SYN1: variants seen among roughly 807,000 people sequenced by gnomAD.
The protein encoded by SYN1 is synapsin-1.
Under a neutral mutation model 44.6 loss-of-function variants are expected in SYN1, and 8 were observed. That is an observed-to-expected ratio of 0.18 (90% CI 0.11 to 0.32). SYN1 has a LOEUF of 0.32. SYN1 is among the 10% of genes least tolerant of loss of function. The pLI is 1.00. For synonymous variants in SYN1, 275 were observed against 280.1 expected, an observed-to-expected ratio of 0.98 and a Z score of 0.18; for missense variants, 451 against 639.4, an observed-to-expected ratio of 0.71 and a Z score of 3.18.
chrX:47,604,106 T>C (rs1348081463), intron 5 of SYN1, among the ~76,000 whole-genome samples: 1 of 108,981 alleles, frequency 9.2e-6, no homozygotes, highest in Non-Finnish European at 1.9e-5. Context: ...ACAGGGTTTC[T>C]CCATGTTGGT....
intron 1 of SYN1, among the ~76,000 whole-genome samples, chrX:47,613,991 T>C (rs2057924185): frequency 8.9e-6 from 1 of 112,201 alleles, no homozygotes. Flanking sequence ...GAAATTGTGC[T>C]TCCTGTTCCC....
At chrX:47,611,801 G>T (rs1354858904) in intron 1 of SYN1, among the ~76,000 whole-genome samples, 1 of 111,574 alleles carries the variant, frequency 9.0e-6, no homozygotes, top group Non-Finnish European at 1.9e-5. Context: ...GGGGACCGAT[G>T]CATTAGTAAA....
chrX:47,588,467 G>A (rs1337834599), intron 5 of SYN1, among the ~76,000 whole-genome samples: 2 of 112,568 alleles, frequency 1.8e-5, no homozygotes, highest in Admixed American at 1.9e-4. Context: ...GGGGAAGGAT[G>A]GAACCCAGCG....
At chrX:47,596,018 T>A (rs753644492) in intron 5 of SYN1, among the ~76,000 whole-genome samples, 127 of 112,266 alleles carry the variant, frequency 1.1e-3, no homozygotes, top group Non-Finnish European at 2.2e-3. Flanking sequence ...CTTGTACACA[T>A]CCCCTTCTCC....
chrX:47,585,450 A>G, intron 5 of SYN1: 1 of 1,191,705 alleles, frequency 8.4e-7, no homozygotes, highest in Middle Eastern at 2.3e-4. Flanking sequence ...GACCACCCCA[A>G]TTTCAGTCTA....
intron 1 of SYN1, among the ~76,000 whole-genome samples, chrX:47,614,499 G>C (rs185915157): frequency 5.6e-4 from 63 of 111,660 alleles, no homozygotes; most frequent in African/African-American, 2.0e-3. Flanking sequence ...AGAGACTATG[G>C]CTCATCTCAC....
chrX:47,609,300 CAA>C (rs2147929781), intron 1 of SYN1, among the ~76,000 whole-genome samples: 1 of 112,119 alleles, frequency 8.9e-6, no homozygotes, highest in South Asian at 3.7e-4. Flanking sequence ...CTGCCTTGTC[CAA>C]GGTTACACCT....
chrX:47,606,392 T>C (rs1777393532), intron 3 of SYN1, among the ~76,000 whole-genome samples: 1 of 109,096 alleles, frequency 9.2e-6, no homozygotes, highest in African/African-American at 3.3e-5. Context: ...GAGAGCAGCA[T>C]CTGGCATGCA....
At chrX:47,609,005 G>C (rs867195406) in intron 1 of SYN1, among the ~76,000 whole-genome samples, 9 of 87,391 alleles carry the variant, frequency 1.0e-4, no homozygotes, top group African/African-American at 1.7e-4. Flanking sequence ...CTCTCTCTCT[G>C]ACACACACAC....
intron 5 of SYN1, among the ~76,000 whole-genome samples, chrX:47,599,695 A>C (rs1257852836): frequency 8.9e-6 from 1 of 112,507 alleles, no homozygotes; most frequent in Non-Finnish European, 1.9e-5. Context: ...AATAATAATA[A>C]AAATGAGACA....
intron 9 of SYN1, 62 bp downstream of exon 9, chrX:47,576,069 T>C (rs2057776543): frequency 2.8e-6 from 3 of 1,082,775 alleles, no homozygotes; most frequent in African/African-American, 3.6e-5. Context: ...TGCTTCAGTT[T>C]GCACTGCTGC....
intron 5 of SYN1, chrX:47,585,931 T>C (rs1477156932): frequency 1.4e-5 from 15 of 1,105,630 alleles, no homozygotes; most frequent in Non-Finnish European, 1.8e-5. Context: ...GTGACTATTC[T>C]GTAATCCCAC....
chrX:47,610,446 GC>G (rs1219223604), intron 1 of SYN1, among the ~76,000 whole-genome samples: 2 of 105,176 alleles, frequency 1.9e-5, no homozygotes, highest in Admixed American at 1.0e-4. Context: ...GACAATGCCT[GC>G]CCCCCTCAGA....
chrX:47,598,234 A>G (rs999610720), intron 5 of SYN1, among the ~76,000 whole-genome samples: 5 of 112,451 alleles, frequency 4.4e-5, no homozygotes, highest in African/African-American at 1.6e-4. Flanking sequence ...TGGGCACACA[A>G]TGTGTAAAGA....
chrX:47,588,196 G>A (rs1004145155), intron 5 of SYN1, among the ~76,000 whole-genome samples: 1 of 112,864 alleles, frequency 8.9e-6, no homozygotes, highest in African/African-American at 3.2e-5. Context: ...TTACGCCCTC[G>A]GAGGGTCTGA....
chrX:47,586,774 G>C (rs1041947654), intron 5 of SYN1: 39 of 1,096,283 alleles, frequency 3.6e-5, no homozygotes, highest in Non-Finnish European at 4.6e-5. Context: ...ATGAAATAAA[G>C]AGTTACCACC....
chrX:47,593,993 G>A (rs1373414751), intron 5 of SYN1, among the ~76,000 whole-genome samples: 5 of 111,956 alleles, frequency 4.5e-5, no homozygotes, highest in African/African-American at 1.6e-4. Context: ...CACTTTGGGA[G>A]GCCAAGGCAG....
At chrX:47,594,728 TC>T (rs2057858859) in intron 5 of SYN1, among the ~76,000 whole-genome samples, 1 of 91,117 alleles carries the variant, frequency 1.1e-5, no homozygotes, top group Non-Finnish European at 2.3e-5. Flanking sequence ...TCTTTTCTTT[TC>T]TTTTTTTTTT....
intron 5 of SYN1, among the ~76,000 whole-genome samples, chrX:47,591,653 G>A (rs1053693530): frequency 6.5e-5 from 7 of 108,327 alleles, no homozygotes; most frequent in African/African-American, 1.0e-4. Context: ...CTCAGGAGGC[G>A]GAGGCTGCAG....
Sources: allele counts gnomAD v4.1 joint callset (sites outside exome capture counted in the v4.1 genomes callset), GRCh38; gene constraint gnomAD v4.1.1; transcripts MANE v1.5; gene names NCBI Gene and HGNC (gene_info 2026-07-23, HGNC 2026-07-21).